The following USP48 variants were observed in gnomAD, a reference collection of about 807,000 sequenced individuals.
The protein encoded by USP48 is ubiquitin carboxyl-terminal hydrolase 48.
USP48 carries 43 observed loss-of-function variants against 150.7 expected under a neutral mutation model. The ratio of observed to expected loss-of-function variants is 0.29; its 90% CI spans 0.22 to 0.37. The LOEUF is 0.37. Ranked by LOEUF, USP48 falls within the 10% of genes least tolerant of loss-of-function variation. USP48 has a pLI of 1.00. For synonymous variants in USP48, 396 were observed against 425.9 expected, an observed-to-expected ratio of 0.93 and a Z score of 0.86; for missense variants, 813 against 1,249.6, an observed-to-expected ratio of 0.65 and a Z score of 5.27.
intron 21 of USP48, 24 bp downstream of exon 21, chr1:21,703,488 C>A (rs2152517445): frequency 1.3e-6 from 2 of 1,575,752 alleles, no homozygotes; most frequent in South Asian, 1.1e-5. Context: ...CATTACTAGT[C>A]ATTGCCACAA....
At chr1:21,688,842 CA>C (rs1185263002) in intron 24 of USP48, among the ~76,000 whole-genome samples, 2,287 of 88,930 alleles carry the variant, frequency 0.026, 20 homozygotes, top group Middle Eastern at 0.059. Flanking sequence ...GACTCCATCT[CA>C]AAAAAAAAAA....
chr1:21,754,202 G>C (rs2097825372), intron 3 of USP48, among the ~76,000 whole-genome samples: 1 of 152,026 alleles, frequency 6.6e-6, no homozygotes, highest in South Asian at 2.1e-4. Context: ...ACCATGTTTT[G>C]TGGAAGTCAT....
At chr1:21,720,792 A>G (rs1557493601) in intron 14 of USP48, among the ~76,000 whole-genome samples, 1 of 151,990 alleles carries the variant, frequency 6.6e-6, no homozygotes, top group Non-Finnish European at 1.5e-5. Context: ...CGGCCTCCTA[A>G]AGTGCTGGGA....
chr1:21,734,478 T>C (rs1002072281), intron 9 of USP48, among the ~76,000 whole-genome samples: 2 of 152,178 alleles, frequency 1.3e-5, no homozygotes, highest in African/African-American at 2.4e-5. Context: ...TGAATGGAGT[T>C]AACAAACGAT....
intron 19 of USP48, 111 bp from the exon 20 acceptor site, chr1:21,704,503 G>T: frequency 8.4e-7 from 1 of 1,185,276 alleles, no homozygotes; most frequent in Non-Finnish European, 1.1e-6. Context: ...TTAATCCAAA[G>T]GAATTAGAGA....
At chr1:21,726,718 G>A (rs2152551181) in intron 11 of USP48, 1 of 152,252 alleles carries the variant, frequency 6.6e-6, no homozygotes, top group Middle Eastern at 3.4e-3. Flanking sequence ...AGATGTTTCT[G>A]CACTAGAAAA....
chr1:21,758,327 G>A (rs1037495011), intron 1 of USP48, among the ~76,000 whole-genome samples: 6 of 151,956 alleles, frequency 3.9e-5, no homozygotes, highest in Non-Finnish European at 8.8e-5. Flanking sequence ...CTAGTATACT[G>A]TTATGTGTAA....
chr1:21,703,670 T>A, intron 20 of USP48, 52 bp from the exon 21 acceptor site: 1 of 1,312,228 alleles, frequency 7.6e-7, no homozygotes, highest in Non-Finnish European at 1.1e-6. Context: ...GAATCATTGT[T>A]AAAGAATCAA....
chr1:21,680,649 T>C (rs1028691480), intron 26 of USP48, among the ~76,000 whole-genome samples, 159 bp downstream of exon 26: 1 of 152,204 alleles, frequency 6.6e-6, no homozygotes, highest in Non-Finnish European at 1.5e-5. Context: ...AAAAAGATAA[T>C]GAAGAAGCTT....
chr1:21,716,791 G>A (rs1235848144), intron 14 of USP48, among the ~76,000 whole-genome samples: 1 of 151,506 alleles, frequency 6.6e-6, no homozygotes, highest in Non-Finnish European at 1.5e-5. Flanking sequence ...CACTTTGGGA[G>A]GCTGAGGCGG....
intron 24 of USP48, among the ~76,000 whole-genome samples, chr1:21,689,043 T>C (rs2097588547): frequency 6.6e-6 from 1 of 151,832 alleles, no homozygotes; most frequent in African/African-American, 2.4e-5. Context: ...TTTAATACTA[T>C]GACGTATGGT....
At chr1:21,703,724 A>G in intron 20 of USP48, 106 bp from the exon 21 acceptor site, 1 of 868,398 alleles carries the variant, frequency 1.2e-6, no homozygotes, top group Non-Finnish European at 1.8e-6. Context: ...ATATTCATTA[A>G]ACTCTTAGTA....
rs558214381 is a variant in USP48 at position 21,779,273 on chromosome 1, G to A, written c.134+3551C>T. Among the ~76,000 whole-genome samples, 9 of 152,120 alleles carry A rather than the reference G, an allele frequency of 5.9e-5. No individual in the cohort carries two copies. In the South Asian group the frequency reaches 8.3e-4, roughly 14 times the overall value. On this transcript the variant is annotated intron_variant, in intron 1 of 26. Coordinates refer to ENST00000308271, the MANE Select transcript of USP48 (RefSeq NM_032236.8). ...AATAAAAGTTAAAAGAGCTGGGTGCGGTGGCTCAAGCCTGTAATCCCAGCA... is the reference window on the plus strand; with the variant it reads ...AATAAAAGTTAAAAGAGCTGGGTGCAGTGGCTCAAGCCTGTAATCCCAGCA...
chr1:21,764,711 C>CAAAAA (rs35810751), intron 1 of USP48, among the ~76,000 whole-genome samples: 2 of 108,268 alleles, frequency 1.8e-5, no homozygotes, highest in African/African-American at 3.5e-5. Flanking sequence ...CACTCCGTCT[C>CAAAAA]AAAAAAAAAA....
In USP48 at chr1:21,724,001, G is replaced by A. The variant is rs1346058289; in HGVS notation, c.1545C>T (p.Ser515=). 6.2e-7 allele frequency: 1 copy of A among 1,613,982 alleles called. No homozygotes were observed. The highest frequency in any genetic ancestry group is 1.3e-5 in the African/African-American group (1 of 74,894). ...KPIDNHACLC[S]HDKLHPDKIS... ...TTTTATCCGGGTGAAGCTTGTCATG[G>A]GAACACAGGCAAGCGTGATTATCAA... The change falls in exon 12 of 27, where the codon TCC becomes TCT. Residue 515 remains serine (S), a synonymous_variant. Coordinates refer to ENST00000308271, the MANE Select transcript of USP48 (RefSeq NM_032236.8).
chr1:21,705,237 G>C (rs2097668878), intron 19 of USP48, among the ~76,000 whole-genome samples: 1 of 152,134 alleles, frequency 6.6e-6, no homozygotes, highest in African/African-American at 2.4e-5. Context: ...GTAAAATCGG[G>C]AGAAATTCAC....
intron 11 of USP48, among the ~76,000 whole-genome samples, chr1:21,727,425 AGTGC>A (rs1442898288): frequency 6.6e-6 from 1 of 152,246 alleles, no homozygotes; most frequent in Non-Finnish European, 1.5e-5. Flanking sequence ...AAGGAAGCAC[AGTGC>A]TAACTTGACA....
intron 12 of USP48, among the ~76,000 whole-genome samples, chr1:21,723,397 G>A (rs1461864905): frequency 6.6e-6 from 1 of 151,904 alleles, no homozygotes; most frequent in Non-Finnish European, 1.5e-5. Context: ...GTGCGCACCT[G>A]TAATCTCAGC....
chr1:21,700,874 C>T (rs1023544627), intron 22 of USP48, among the ~76,000 whole-genome samples: 4 of 152,020 alleles, frequency 2.6e-5, no homozygotes, highest in South Asian at 4.1e-4. Context: ...GAGTTCAAGA[C>T]CAGCCTAGGT....
Sources: allele counts gnomAD v4.1 joint callset (sites outside exome capture counted in the v4.1 genomes callset), GRCh38; gene constraint gnomAD v4.1.1; transcripts MANE v1.5; gene names NCBI Gene and HGNC (gene_info 2026-07-23, HGNC 2026-07-21).